MSANTD1: variants seen among roughly 807,000 people sequenced by gnomAD.
MSANTD1 encodes myb/SANT-like DNA-binding domain-containing protein 1.
Under a neutral mutation model 24.2 loss-of-function variants are expected in MSANTD1, and 7 were observed. That is an observed-to-expected ratio of 0.29 (90% CI 0.16 to 0.54). MSANTD1 has a LOEUF of 0.54. Ranked by LOEUF, MSANTD1 falls within the 20% of genes least tolerant of loss-of-function variation. MSANTD1 has a pLI of 0.94. For synonymous variants in MSANTD1, 177 were observed against 181.1 expected (o/e 0.98, Z 0.18); for missense variants, 384 against 408.2 (o/e 0.94, Z 0.51).
In MSANTD1 at chr4:3,252,728, G is replaced by A. The variant is rs555918496; in HGVS notation, c.321-479G>A. ...CTGTGCTCTAACGCCAGTGGCTGTC[G>A]CTCCCTGAGGCATTCTCTCCCGAAC... On this transcript the variant is annotated intron_variant, in intron 1 of 2. Coordinates refer to ENST00000438480, the MANE Select transcript of MSANTD1 (RefSeq NM_001042690.2). 1.9e-4 allele frequency among the ~76,000 whole-genome samples: 29 copies of A among 152,218 alleles called. 1 individual carries two copies. In the South Asian group the frequency reaches 2.7e-3, roughly 14 times the overall value.
At chr4:3,246,658 C>T (rs1375768076), upstream of MSANTD1, 2 of 697,756 alleles carry the variant, frequency 2.9e-6, no homozygotes, top group Non-Finnish European at 5.2e-6. Flanking sequence ...GCAGGCCATG[C>T]AGCTTTGCCA....
chr4:3,246,542 C>T (rs1001255796), upstream of MSANTD1: 5 of 597,596 alleles, frequency 8.4e-6, no homozygotes, highest in African/African-American at 7.5e-5. Context: ...CCCAGGTCTG[C>T]ACCAGGGACA....
intron 1 of MSANTD1, among the ~76,000 whole-genome samples, chr4:3,250,013 G>A (rs983703354): frequency 6.6e-6 from 1 of 152,218 alleles, no homozygotes; most frequent in African/African-American, 2.4e-5. Flanking sequence ...CGTCATTGGG[G>A]AAATTGAGAC....
intron 1 of MSANTD1, among the ~76,000 whole-genome samples, chr4:3,252,277 C>G (rs1722251966): frequency 6.6e-6 from 1 of 152,238 alleles, no homozygotes; most frequent in African/African-American, 2.4e-5. Context: ...GCCATGGGGC[C>G]CTGTGTCTCC....
chr4:3,249,171 C>A lies in MSANTD1; in HGVS notation c.-52C>A. On this transcript the variant is annotated 5_prime_UTR_variant, in exon 1 of 3. Coordinates refer to ENST00000438480, the MANE Select transcript of MSANTD1 (RefSeq NM_001042690.2). Reference sequence around the variant, plus strand: ...ATTCCTGCCTGTCAGATGTAGGCCCCATTTTGAGCGTGGAGCTGCCTTCGA... The same window carrying A: ...ATTCCTGCCTGTCAGATGTAGGCCCAATTTTGAGCGTGGAGCTGCCTTCGA... 1 of 1,322,252 alleles carries A rather than the reference C, an allele frequency of 7.6e-7. No homozygotes were observed. Among genetic ancestry groups the A allele is most frequent in the Non-Finnish European group, 9.7e-7 (1 of 1,036,120 alleles). 81.9% of individuals were successfully genotyped at this position (1,322,252 alleles called of 1,614,324 possible).
Position 3,249,194 on chromosome 4 carries a change from C to G in MSANTD1, c.-29C>G. On this transcript the variant is annotated 5_prime_UTR_variant, in exon 1 of 3. Coordinates refer to ENST00000438480, the MANE Select transcript of MSANTD1 (RefSeq NM_001042690.2). ...CCCATTTTGAGCGTGGAGCTGCCTTCGAGCGAGCGTGAGCGGCGCCTCCCG... is the reference window on the plus strand; with the variant it reads ...CCCATTTTGAGCGTGGAGCTGCCTTGGAGCGAGCGTGAGCGGCGCCTCCCG... 1 of 1,359,288 alleles carries G rather than the reference C, an allele frequency of 7.4e-7. No individual in the cohort carries two copies. Among genetic ancestry groups the G allele is most frequent in the Non-Finnish European group, 9.4e-7 (1 of 1,059,180 alleles). 84.2% of individuals were successfully genotyped at this position (1,359,288 alleles called of 1,614,324 possible). A position where few individuals can be genotyped will look rare whatever the true frequency, so the allele number is the denominator to read the frequency against.
At position 3,249,378 on chromosome 4, in the gene MSANTD1, C is replaced by T. The variant is rs140887838; in HGVS notation, c.156C>T (p.Arg52=). Reference sequence around the variant, plus strand: ...GCAACTGGACGGACGCCGAGATGCGCGGCCTCATGCTGGTCTGGGAGGAGT... The same window carrying T: ...GCAACTGGACGGACGCCGAGATGCGTGGCCTCATGCTGGTCTGGGAGGAGT... The part of the protein sequence containing the change: ...RARNWTDAEM[R]GLMLVWEEFF... Residue 52 remains arginine, a synonymous_variant, in exon 1 of 3, where the codon CGC becomes CGT. Coordinates refer to ENST00000438480, the MANE Select transcript of MSANTD1 (RefSeq NM_001042690.2). 1.1e-5 allele frequency: 18 copies of T among 1,578,544 alleles called. No individual in the cohort carries two copies. The highest frequency in any genetic ancestry group is 6.9e-5 in the East Asian group (3 of 43,384).
Position 3,255,991 on chromosome 4 carries a change from G to A in MSANTD1, c.*26G>A, listed in dbSNP as rs999323091. 1.7e-5 allele frequency: 25 copies of A among 1,485,138 alleles called. No individual in the cohort carries two copies. The African/African-American group carries it at 3.4e-4, about 20-fold the overall frequency. 92.0% of individuals were successfully genotyped at this position (1,485,138 alleles called of 1,614,324 possible). ...GCCAGCAGGCGGCGGCGGCGGCGGGGCCGGGCGGCTGGTGGTACTGCTCAG... is the reference window on the plus strand; with the variant it reads ...GCCAGCAGGCGGCGGCGGCGGCGGGACCGGGCGGCTGGTGGTACTGCTCAG... On this transcript the variant is annotated 3_prime_UTR_variant, in exon 3 of 3. Coordinates refer to ENST00000438480, the MANE Select transcript of MSANTD1 (RefSeq NM_001042690.2).
Position 3,255,917 on chromosome 4 carries a change from G to T in MSANTD1, c.789G>T (p.Glu263Asp). The T allele has an allele frequency of 6.5e-7, 1 of 1,545,282 alleles. No homozygotes were observed. The change falls in exon 3 of 3, where the codon GAG (glutamate) becomes GAT (aspartate). Residue 263 changes from glutamate (E) to aspartate (D), a missense_variant. Transcript: ENST00000438480. ...AGGTGCAGAGCCTGCAGCTGCAGGAGCGCATGATGAGTCTGCTGGAGAGGA... is the reference window on the plus strand; with the variant it reads ...AGGTGCAGAGCCTGCAGCTGCAGGATCGCATGATGAGTCTGCTGGAGAGGA... ...ILQVQSLQLQ[E>D]RMMSLLERII...
chr4:3,254,609 G>A (rs1212480344), intron 2 of MSANTD1, among the ~76,000 whole-genome samples: 2 of 152,208 alleles, frequency 1.3e-5, no homozygotes. Context: ...AGGGCCCTGG[G>A]GTCTGTGGGT....
At chr4:3,244,755 C>T (rs1409359736), upstream of MSANTD1, 1 of 152,270 alleles carries the variant, frequency 6.6e-6, no homozygotes, top group East Asian at 1.9e-4. Flanking sequence ...GAGGTCCCGT[C>T]TGGTTCTGGC....
chr4:3,250,153 G>A (rs1722178492), intron 1 of MSANTD1, among the ~76,000 whole-genome samples: 1 of 152,156 alleles, frequency 6.6e-6, no homozygotes, highest in African/African-American at 2.4e-5. Flanking sequence ...ACCAGGTGAG[G>A]TGCAGGACCA....
chr4:3,247,945 G>C (rs895157473), upstream of MSANTD1: 10 of 152,424 alleles, frequency 6.6e-5, no homozygotes, highest in African/African-American at 2.4e-4. Context: ...CTCATTCCAG[G>C]CTCAGCTGCC....
At chr4:3,248,959 G>A, upstream of MSANTD1, 1 of 362,296 alleles carries the variant, frequency 2.8e-6, no homozygotes, top group Non-Finnish European at 4.9e-6. Context: ...GTGAGAGGCA[G>A]GGCCGGGAGC....
chr4:3,244,746 A>T (rs1489020396), upstream of MSANTD1: 2 of 152,280 alleles, frequency 1.3e-5, no homozygotes, highest in African/African-American at 4.8e-5. Flanking sequence ...ATGTTTGCTG[A>T]GGTCCCGTCT....
rs555136963 is a variant in MSANTD1, at chr4:3,249,310, G to A, written c.88G>A (p.Gly30Ser). Residue 30 changes from glycine (G) to serine (S), a missense_variant, in exon 1 of 3, where the codon GGC becomes AGC. By Grantham distance (56) the Gly-to-Ser change is moderately conservative (BLOSUM62 0). Transcript: ENST00000438480. ...ASGMAAAEGP[G>S]YLVSPQAEKH... ...CGGCATGGCGGCGGCCGAGGGGCCC[G>A]GCTACCTCGTGTCTCCCCAGGCGGA... 4.6e-5 allele frequency: 71 copies of A among 1,540,176 alleles called. No homozygotes were observed. Among genetic ancestry groups the A allele is most frequent in the East Asian group, 2.2e-4 (9 of 40,746 alleles).
At chr4:3,251,010 G>A (rs1307205654) in intron 1 of MSANTD1, among the ~76,000 whole-genome samples, 1 of 152,254 alleles carries the variant, frequency 6.6e-6, no homozygotes, top group African/African-American at 2.4e-5. Flanking sequence ...CTGCCCAAAG[G>A]CCCCTAGGCA....
chr4:3,248,910 G>C (rs754743895), upstream of MSANTD1: 10 of 302,318 alleles, frequency 3.3e-5, no homozygotes, highest in African/African-American at 4.3e-5. Flanking sequence ...GCGTGAGCCG[G>C]GGCGGCACTG....
chr4:3,255,619 TCA>T, intron 2 of MSANTD1, 104 bp from the exon 3 acceptor site: 1 of 1,375,400 alleles, frequency 7.3e-7, no homozygotes. Flanking sequence ...CCCTGGGGCC[TCA>T]GTTTCCCCAT....
Sources: gnomAD v4.1 joint callset for allele counts (sites outside exome capture counted in the v4.1 genomes callset) on GRCh38, gnomAD v4.1.1 for gene constraint, MANE v1.5 for transcripts, NCBI Gene and HGNC (gene_info 2026-07-23, HGNC 2026-07-21) for gene names.